Variants in SAMD12 observed in about 807,000 individuals in gnomAD.
SAMD12 encodes the protein sterile alpha motif domain-containing protein 12.
Under a neutral mutation model 15.0 loss-of-function variants are expected in SAMD12, and 9 were observed. The observed-to-expected ratio is 0.60, with a 90% confidence interval of 0.36 to 1.05. The LOEUF (loss-of-function observed/expected upper bound fraction) is 1.05, where lower values mean the gene tolerates loss of function less well. Among genes scored for constraint, SAMD12 ranks in the 50% least tolerant of loss-of-function variants. The probability of loss-of-function intolerance (pLI) is 0.01; values close to 1 mark genes in which losing one functional copy is unlikely to be tolerated. For synonymous variants in SAMD12, 86 were observed against 90.1 expected (o/e 0.96, Z 0.25); for missense variants, 230 against 234.2 (o/e 0.98, Z 0.12).
At chr8:118,318,310 G>GTATATA (rs55959055) in intron 4 of SAMD12, among the ~76,000 whole-genome samples, 5 of 113,334 alleles carry the variant, frequency 4.4e-5, no homozygotes, top group East Asian at 5.2e-4. Flanking sequence ...AGATATATGT[G>GTATATA]TATATATATA....
chr8:118,495,644 G>C (rs1045200053), intron 2 of SAMD12, among the ~76,000 whole-genome samples: 12 of 151,210 alleles, frequency 7.9e-5, no homozygotes, highest in African/African-American at 2.9e-4. Context: ...TGAACTCCAC[G>C]GTTACTGACT....
intron 4 of SAMD12, among the ~76,000 whole-genome samples, chr8:118,215,222 G>C (rs1183213777): frequency 6.6e-6 from 1 of 152,098 alleles, no homozygotes; most frequent in Non-Finnish European, 1.5e-5. Flanking sequence ...AGTTTTATTG[G>C]ATCACAGCCA....
At chr8:118,567,894 T>TATAATAG (rs1826894498) in intron 2 of SAMD12, among the ~76,000 whole-genome samples, 1 of 152,102 alleles carries the variant, frequency 6.6e-6, no homozygotes, top group Non-Finnish European at 1.5e-5. Context: ...ACCAGCCAGT[T>TATAATAG]GAAGACTAAA....
chr8:118,300,649 C>T (rs1031240703), intron 4 of SAMD12, among the ~76,000 whole-genome samples: 2 of 152,190 alleles, frequency 1.3e-5, no homozygotes, highest in African/African-American at 2.4e-5. Flanking sequence ...CCAATGAAGA[C>T]CTACCAGATC....
chr8:118,405,981 C>A (rs1821111242), intron 3 of SAMD12, among the ~76,000 whole-genome samples: 1 of 151,968 alleles, frequency 6.6e-6, no homozygotes, highest in South Asian at 2.1e-4. Flanking sequence ...TATGGCCAGT[C>A]ATAAAAAATA....
intron 1 of SAMD12, among the ~76,000 whole-genome samples, chr8:118,619,464 G>A (rs1221212204): frequency 4.4e-5 from 5 of 113,398 alleles, no homozygotes; most frequent in African/African-American, 1.8e-4. Flanking sequence ...GGGCGACAGA[G>A]CAAGACTCTG....
At chr8:118,397,707 T>A (rs1820653619) in intron 3 of SAMD12, among the ~76,000 whole-genome samples, 1 of 152,154 alleles carries the variant, frequency 6.6e-6, no homozygotes, top group South Asian at 2.1e-4. Flanking sequence ...TATGAACAAT[T>A]TCTCATTCCT....
At chr8:118,275,736 A>G (rs1270354602) in intron 4 of SAMD12, among the ~76,000 whole-genome samples, 1 of 152,068 alleles carries the variant, frequency 6.6e-6, no homozygotes, top group Admixed American at 6.6e-5. Flanking sequence ...GTAATCCCCA[A>G]TGTCCATTGT....
intron 2 of SAMD12, among the ~76,000 whole-genome samples, chr8:118,505,370 A>G (rs1212576608): frequency 3.5e-5 from 5 of 141,544 alleles, no homozygotes; most frequent in African/African-American, 5.3e-5. Context: ...TCAGGGCAGT[A>G]TCATGGAAAC....
chr8:118,530,942 AG>A (rs568107600), intron 2 of SAMD12, among the ~76,000 whole-genome samples: 12 of 152,196 alleles, frequency 7.9e-5, no homozygotes, highest in Non-Finnish European at 1.8e-4. Flanking sequence ...CCTGGGCTCA[AG>A]GGATCTTCTG....
chr8:118,612,562 C>A (rs571202687), intron 1 of SAMD12, among the ~76,000 whole-genome samples: 1 of 152,266 alleles, frequency 6.6e-6, no homozygotes, highest in African/African-American at 2.4e-5. Flanking sequence ...ACTCTCTTGT[C>A]CTTGTGAGGT....
chr8:118,264,926 T>C (rs1813163286), intron 4 of SAMD12, among the ~76,000 whole-genome samples: 1 of 152,120 alleles, frequency 6.6e-6, no homozygotes, highest in Admixed American at 6.5e-5. Context: ...GACTGCGAGT[T>C]CTCTTATCCT....
chr8:118,485,040 C>G (rs1185646608), intron 2 of SAMD12, among the ~76,000 whole-genome samples: 1 of 152,138 alleles, frequency 6.6e-6, no homozygotes, highest in Non-Finnish European at 1.5e-5. Flanking sequence ...TACAATTGCA[C>G]CATCATGATC....
At chr8:118,409,291 G>C (rs1488992217) in intron 3 of SAMD12, among the ~76,000 whole-genome samples, 1 of 152,036 alleles carries the variant, frequency 6.6e-6, no homozygotes, top group Admixed American at 6.6e-5. Flanking sequence ...GAGTTTTTGA[G>C]AACAACTGTG....
In SAMD12 at chr8:118,197,081, GA is replaced by G. The variant is rs112954413; in HGVS notation, c.*628del. ...AGTTTGTCTTGGACAGTCTGAGCCG[GA>G]AAAAAAAAAACCACTAAGATTTATA... On this transcript the variant is annotated 3_prime_UTR_variant, in exon 5 of 5. Coordinates refer to the SAMD12 transcript ENST00000409003. 325 of 141,824 alleles carry G rather than the reference GA, an allele frequency of 2.3e-3. 3 individuals carry two copies. The highest frequency in any genetic ancestry group is 6.0e-3 in the African/African-American group (234 of 38,684). The allele number at this position is 141,824 out of a possible 1,614,324, so 8.8% of individuals were successfully genotyped here.
the SAMD12 span, among the ~76,000 whole-genome samples, chr8:118,183,273 T>C: frequency 6.6e-6 from 1 of 152,222 alleles, no homozygotes; most frequent in Non-Finnish European, 1.5e-5. Context: ...TCTTCTTCTA[T>C]CATATCTTCT....
chr8:118,618,720 G>GT (rs1258229963), intron 1 of SAMD12, among the ~76,000 whole-genome samples: 4 of 151,876 alleles, frequency 2.6e-5, no homozygotes, highest in African/African-American at 9.7e-5. Flanking sequence ...GGCACCTGTA[G>GT]CCCAGCTACT....
At chr8:118,248,956 T>C (rs1301762565) in intron 4 of SAMD12, among the ~76,000 whole-genome samples, 1 of 151,876 alleles carries the variant, frequency 6.6e-6, no homozygotes, top group Non-Finnish European at 1.5e-5. Flanking sequence ...ATAAAAGGCA[T>C]GTGTGTGTGT....
chr8:118,388,526 T>G (rs1438363241), intron 3 of SAMD12, among the ~76,000 whole-genome samples: 3 of 152,140 alleles, frequency 2.0e-5, no homozygotes, highest in Admixed American at 1.3e-4. Flanking sequence ...TCTTGCTTAT[T>G]ATGTTTGTCT....
Sources: allele counts gnomAD v4.1 joint callset (sites outside exome capture counted in the v4.1 genomes callset), GRCh38; gene constraint gnomAD v4.1.1; transcripts MANE v1.5; gene names NCBI Gene and HGNC (gene_info 2026-07-23, HGNC 2026-07-21).